Variants in PLBD2 observed in about 807,000 individuals in gnomAD.
PLBD2 encodes phospholipase B domain containing 2.
Under a neutral mutation model 68.3 loss-of-function variants are expected in PLBD2, and 51 were observed. The observed-to-expected ratio is 0.75, with a 90% CI of 0.60 to 0.94. PLBD2 has a LOEUF of 0.94. PLBD2 is among the 40% of genes least tolerant of loss of function. The pLI, the probability that PLBD2 is intolerant of heterozygous loss-of-function variation, is 0.00. For synonymous variants in PLBD2, 314 were observed against 339.3 expected (o/e 0.93, Z 0.82); for missense variants, 729 against 792.2 (o/e 0.92, Z 0.96).
intron 11 of PLBD2, 132 bp from the exon 12 acceptor site, chr12:113,388,327 G>A: frequency 2.3e-6 from 2 of 878,146 alleles, no homozygotes; most frequent in East Asian, 2.9e-5. Context: ...GGGTGACAGA[G>A]CAGAGACTCA....
At chr12:113,373,551 ACCACCCATCCAT>A (rs1215992969) in intron 3 of PLBD2, among the ~76,000 whole-genome samples, 1 of 151,700 alleles carries the variant, frequency 6.6e-6, no homozygotes, top group Non-Finnish European at 1.5e-5. Flanking sequence ...CCACACATCC[ACCACCCATCCAT>A]CCACCCATCC....
intron 5 of PLBD2, among the ~76,000 whole-genome samples, chr12:113,379,567 G>A (rs201774155): frequency 2.0e-5 from 3 of 152,176 alleles, no homozygotes; most frequent in Non-Finnish European, 4.4e-5. Flanking sequence ...CAGCATAAGC[G>A]TGAGGTCACA....
chr12:113,363,419 A>G (rs965379496), intron 1 of PLBD2, among the ~76,000 whole-genome samples: 2 of 152,144 alleles, frequency 1.3e-5, no homozygotes, highest in African/African-American at 4.8e-5. Context: ...TGACAGAGTG[A>G]GACCCTATCT....
Position 113,388,880 on chromosome 12 carries a change from CT to C in PLBD2, c.*255del, listed in dbSNP as rs1388425622. Reference sequence around the variant, plus strand: ...TAAATCTCCCACTCTCTGTTTCTGTCTGTTTCCTACTGCTGCTCTCTCAACC... The same window carrying C: ...TAAATCTCCCACTCTCTGTTTCTGTCGTTTCCTACTGCTGCTCTCTCAACC... On this transcript the variant is annotated 3_prime_UTR_variant, in exon 12 of 12. Transcript: ENST00000280800. The C allele has an allele frequency of 2.6e-6, 1 of 383,274 alleles. No homozygotes were observed. Among genetic ancestry groups the C allele is most frequent in the African/African-American group, 2.1e-5 (1 of 47,838 alleles). 23.7% of individuals were successfully genotyped at this position (383,274 alleles called of 1,614,324 possible). A position where few individuals can be genotyped will look rare whatever the true frequency, so the allele number is the denominator to read the frequency against.
Position 113,361,303 on chromosome 12 carries a change from C to T in PLBD2, c.290+2413C>T, listed in dbSNP as rs78695697. ...AAATTCTCCCTACACCATAATCCTTCGTCTTTTTTATTTTTTAAAAAAGGT... is the reference window on the plus strand; with the variant it reads ...AAATTCTCCCTACACCATAATCCTTTGTCTTTTTTATTTTTTAAAAAAGGT... On this transcript the variant is annotated intron_variant, in intron 1 of 11. Transcript: ENST00000280800. Among the ~76,000 whole-genome samples, 53 of 144,668 alleles carry T rather than the reference C, an allele frequency of 3.7e-4. No homozygotes were observed. In the East Asian group the frequency reaches 9.5e-3, roughly 26 times the overall value. The allele number at this position is 144,668 out of a possible 152,430, so 94.9% of individuals were successfully genotyped here.
At chr12:113,382,867 GTTTTTTTTTTT>G (rs67376686) in intron 6 of PLBD2, among the ~76,000 whole-genome samples, 3 of 81,796 alleles carry the variant, frequency 3.7e-5, no homozygotes, top group Non-Finnish European at 5.0e-5. Context: ...GTGTGTGTGT[GTTTTTTTTTTT>G]TTTTTTTTTT....
At position 113,387,830 on chromosome 12, in the gene PLBD2, C is replaced by G; in HGVS notation, c.1526C>G (p.Ser509Cys). The change falls in exon 11 of 12, where the codon TCC becomes TGC. Residue 509 changes from serine (S) to cysteine (C), a missense_variant. Physicochemically the swap from Ser to Cys is moderately radical, Grantham distance 112 (BLOSUM62 -1). Transcript: ENST00000280800. Reference sequence around the variant, plus strand: ...GGGGAGAATGCTATCTCCGCCCGCTCCGACCTCAACCCGGCCAATGGCTCC... The same window carrying G: ...GGGGAGAATGCTATCTCCGCCCGCTGCGACCTCAACCCGGCCAATGGCTCC... Reference protein sequence around the residue: ...PNGENAISARSDLNPANGSYP... With the variant: ...PNGENAISARCDLNPANGSYP... 6.2e-7 allele frequency: 1 copy of G among 1,614,236 alleles called. No homozygotes were observed. Among genetic ancestry groups the G allele is most frequent in the Non-Finnish European group, 8.5e-7 (1 of 1,180,030 alleles).
chr12:113,361,980 C>A (rs1357513129), intron 1 of PLBD2, among the ~76,000 whole-genome samples: 3 of 152,110 alleles, frequency 2.0e-5, no homozygotes, highest in Admixed American at 6.6e-5. Context: ...GCAAAAACAG[C>A]CCAGTAAAAT....
Position 113,384,919 on chromosome 12 carries a change from G to A in PLBD2, c.1187G>A (p.Arg396Gln), listed in dbSNP as rs201743865. Residue 396 changes from arginine to glutamine, a missense_variant, in exon 8 of 12, where the codon CGG (arginine) becomes CAG (glutamine). Coordinates refer to ENST00000280800, the MANE Select transcript of PLBD2 (RefSeq NM_173542.4). The surrounding 1 kb of genome is among the most constrained non-coding windows in gnomAD (Gnocchi z 4.2). ...FIPGGPSPGS[R>Q]VLTILEQIPG... Reference sequence around the variant, plus strand: ...CCGGGTGGGCCCAGCCCCGGGAGCCGGGTGCTTACCATCCTGGAGCAGATC... The same window carrying A: ...CCGGGTGGGCCCAGCCCCGGGAGCCAGGTGCTTACCATCCTGGAGCAGATC... The A allele has an allele frequency of 1.5e-4, 250 of 1,613,782 alleles. No homozygotes were observed. In the South Asian group the frequency reaches 2.3e-3, roughly 15 times the overall value.
At position 113,382,816 on chromosome 12, in the gene PLBD2, T is replaced by G. The variant is rs1325612354; in HGVS notation, c.958-1289T>G. On this transcript the variant is annotated intron_variant, in intron 6 of 11. Transcript: ENST00000280800. ...GCTGTTCTCAGCTTTTTGGTGGGGGTGGTGGTGGTGGTGGTTTTTTGTGTG... is the reference window on the plus strand; with the variant it reads ...GCTGTTCTCAGCTTTTTGGTGGGGGGGGTGGTGGTGGTGGTTTTTTGTGTG... Among the ~76,000 whole-genome samples the G allele has an allele frequency of 3.1e-4, 43 of 137,092 alleles. 1 individual carries two copies. Among genetic ancestry groups the G allele is most frequent in the Middle Eastern group, 3.7e-3 (1 of 268 alleles). The allele number at this position is 137,092 out of a possible 152,430, so 89.9% of individuals were successfully genotyped here.
At chr12:113,363,829 AC>A (rs1957318274) in intron 1 of PLBD2, among the ~76,000 whole-genome samples, 1 of 152,070 alleles carries the variant, frequency 6.6e-6, no homozygotes, top group African/African-American at 2.4e-5. Flanking sequence ...GAGCCACTGC[AC>A]CCGGACTTTT....
At chr12:113,383,104 G>C (rs897423400) in intron 6 of PLBD2, among the ~76,000 whole-genome samples, 3 of 152,140 alleles carry the variant, frequency 2.0e-5, no homozygotes, top group African/African-American at 7.2e-5. Flanking sequence ...GCAGGAAATG[G>C]AGAAGGGAGA....
In PLBD2 at chr12:113,388,877, T is replaced by C; in HGVS notation, c.*251T>C. ...CCCTAAATCTCCCACTCTCTGTTTC[T>C]GTCTGTTTCCTACTGCTGCTCTCTC... On this transcript the variant is annotated 3_prime_UTR_variant, in exon 12 of 12. Coordinates refer to ENST00000280800, the MANE Select transcript of PLBD2 (RefSeq NM_173542.4). The C allele has an allele frequency of 2.5e-6, 1 of 396,802 alleles. No individual in the cohort carries two copies. Among genetic ancestry groups the C allele is most frequent in the Non-Finnish European group, 4.5e-6 (1 of 224,670 alleles). The allele number at this position is 396,802 out of a possible 1,614,324, so 24.6% of individuals were successfully genotyped here.
At chr12:113,385,714 A>G (rs1957544759) in intron 9 of PLBD2, among the ~76,000 whole-genome samples, 1 of 152,230 alleles carries the variant, frequency 6.6e-6, no homozygotes, top group Non-Finnish European at 1.5e-5. Context: ...CACTTTCCCA[A>G]GCTTCCCCTG....
chr12:113,387,202 A>C, intron 10 of PLBD2, 113 bp downstream of exon 10: 1 of 1,363,342 alleles, frequency 7.3e-7, no homozygotes, highest in Non-Finnish European at 9.8e-7. Flanking sequence ...CCAGAGGGCC[A>C]GCAGGGGGTG....
chr12:113,367,128 A>G (rs1206877574), intron 1 of PLBD2, among the ~76,000 whole-genome samples: 2 of 152,204 alleles, frequency 1.3e-5, no homozygotes, highest in African/African-American at 2.4e-5. Context: ...TGTTAGTGAC[A>G]AGCAGAGGGC....
Position 113,380,726 on chromosome 12 carries a change from G to T in PLBD2, c.860-19G>T. ...TGTGCCTGTCTGACCAGCATCCCTG[G>T]CTCGCTCTGCCTGCACAGGGGACTA... On this transcript the variant is annotated intron_variant, in intron 5 of 11. Coordinates refer to ENST00000280800, the MANE Select transcript of PLBD2 (RefSeq NM_173542.4). The T allele has an allele frequency of 6.5e-7, 1 of 1,543,746 alleles. No homozygotes were observed.
chr12:113,374,811 G>A lies in PLBD2; in HGVS notation c.663G>A (p.Gly221=). 2 of 1,613,712 alleles carry A rather than the reference G, an allele frequency of 1.2e-6. No individual in the cohort carries two copies. Among genetic ancestry groups the A allele is most frequent in the Non-Finnish European group, 8.5e-7 (1 of 1,180,030 alleles). ...PLGFLLLQLS[G]DLEDLELALN... ...TCCTCAGCCTGCTGCAGCTCTCTGG[G>A]GACCTGGAAGACCTGGAGCTGGCCC... Residue 221 remains glycine (G), a synonymous_variant, in exon 5 of 12, where the codon GGG becomes GGA. Transcript: ENST00000280800.
At chr12:113,362,376 G>A (rs1957303634) in intron 1 of PLBD2, among the ~76,000 whole-genome samples, 1 of 151,964 alleles carries the variant, frequency 6.6e-6, no homozygotes, top group Admixed American at 6.6e-5. Context: ...ACAGTTATGG[G>A]GGGCATCCCA....
Sources: gnomAD v4.1 joint callset for allele counts (sites outside exome capture counted in the v4.1 genomes callset) on GRCh38, gnomAD v4.1.1 for gene constraint, Gnocchi (gnomAD v3.1) non-coding constraint, MANE v1.5 for transcripts, NCBI Gene and HGNC (gene_info 2026-07-23, HGNC 2026-07-21) for gene names.